LRP1B: variants seen among roughly 807,000 people sequenced by gnomAD.
LRP1B encodes the protein low-density lipoprotein receptor-related protein 1B.
In LRP1B, 217 loss-of-function variants were observed where a neutral mutation model predicts 556.6. The ratio of observed to expected loss-of-function variants is 0.39; its 90% CI spans 0.35 to 0.44. LRP1B has a LOEUF of 0.44. Among genes scored for constraint, LRP1B ranks in the 20% least tolerant of loss-of-function variants. The probability of loss-of-function intolerance (pLI) is 1.00; values close to 1 mark genes in which losing one functional copy is unlikely to be tolerated. For synonymous variants in LRP1B, 2,047 were observed against 1,865.8 expected (o/e 1.10, Z -2.50); for missense variants, 5,053 against 5,620.8 (o/e 0.90, Z 3.23).
In LRP1B at chr2:140,769,270, C is replaced by T. The variant is rs2104934635; in HGVS notation, c.5701G>A (p.Asp1901Asn). The T allele has an allele frequency of 6.2e-7, 1 of 1,612,236 alleles. No homozygotes were observed. The highest frequency in any genetic ancestry group is 8.5e-7 in the Non-Finnish European group (1 of 1,178,732). The change falls in exon 35 of 91, where the codon GAT (aspartate) becomes AAT (asparagine). Residue 1901 changes from aspartate (D) to asparagine (N), a missense_variant. Physicochemically the swap from Asp to Asn is conservative, Grantham distance 23. Transcript: ENST00000389484. Reference sequence around the variant, plus strand: ...GTTCCTGATATAGGCATCAAAGCATCCATTTTGTCACTTGGTTCAAGAGGT... The same window carrying T: ...GTTCCTGATATAGGCATCAAAGCATTCATTTTGTCACTTGGTTCAAGAGGT... ...GIPLEPSDKM[D>N]ALMPISGTSF...
chr2:141,307,929 C>T (rs903307516), intron 3 of LRP1B, among the ~76,000 whole-genome samples: 1 of 151,978 alleles, frequency 6.6e-6, no homozygotes, highest in African/African-American at 2.4e-5. Flanking sequence ...TCTCTGGCTC[C>T]CAAGTGCTTT....
At chr2:140,946,584 G>T (rs973521601) in intron 20 of LRP1B, among the ~76,000 whole-genome samples, 1 of 152,096 alleles carries the variant, frequency 6.6e-6, no homozygotes, top group Admixed American at 6.6e-5. Flanking sequence ...TTGGGCAACA[G>T]AGTGATACTC....
intron 75 of LRP1B, among the ~76,000 whole-genome samples, chr2:140,354,272 A>G (rs867689912): frequency 9.9e-5 from 15 of 152,092 alleles, no homozygotes; most frequent in Non-Finnish European, 1.9e-4. Context: ...CGTAGCACAC[A>G]AACAATGTTC....
intron 7 of LRP1B, among the ~76,000 whole-genome samples, chr2:141,068,995 A>T (rs1699560316): frequency 6.6e-6 from 1 of 152,064 alleles, no homozygotes; most frequent in South Asian, 2.1e-4. Flanking sequence ...TCTTTTCAGT[A>T]GTCTCTAGAG....
chr2:142,009,704 T>C (rs909302471), intron 1 of LRP1B, among the ~76,000 whole-genome samples: 1 of 152,224 alleles, frequency 6.6e-6, no homozygotes, highest in Non-Finnish European at 1.5e-5. Context: ...ATGCTGCATA[T>C]ATGTCTAAGT....
At position 141,200,942 on chromosome 2, in the gene LRP1B, C is replaced by A. The variant is rs924268587; in HGVS notation, c.851-12359G>T. On this transcript the variant is annotated intron_variant, in intron 6 of 90. Transcript: ENST00000389484. ...AAATCCATGTTCTCACCTCTTCAGT[C>A]AGTTTAAGCAGCATCTGAAGTCATA... Among the ~76,000 whole-genome samples, 5 of 152,154 alleles carry A rather than the reference C, an allele frequency of 3.3e-5. 1 individual carries two copies. The highest frequency in any genetic ancestry group is 7.4e-5 in the Non-Finnish European group (5 of 68,024).
At chr2:142,029,808 G>A (rs1703624428) in intron 1 of LRP1B, among the ~76,000 whole-genome samples, 2 of 151,706 alleles carry the variant, frequency 1.3e-5, no homozygotes, top group South Asian at 4.2e-4. Context: ...ATTCTTCATG[G>A]TTTCTGGAGA....
At chr2:142,088,792 A>G (rs1486598329) in intron 1 of LRP1B, among the ~76,000 whole-genome samples, 1 of 151,724 alleles carries the variant, frequency 6.6e-6, no homozygotes, top group African/African-American at 2.4e-5. Context: ...TGGCTAACAC[A>G]GTGAAACCCC....
intron 17 of LRP1B, among the ~76,000 whole-genome samples, chr2:140,983,348 G>A (rs1696828052): frequency 6.6e-6 from 1 of 152,128 alleles, no homozygotes. Context: ...TGAATAATTG[G>A]GGTCGAAGTA....
chr2:140,744,226 G>T (rs1409161859), intron 35 of LRP1B, among the ~76,000 whole-genome samples: 5 of 151,724 alleles, frequency 3.3e-5, no homozygotes, highest in African/African-American at 1.2e-4. Flanking sequence ...GCATTGCATT[G>T]ATATACATAT....
chr2:140,682,695 TGTGC>T lies in LRP1B; in HGVS notation c.6799+17551_6799+17554del, dbSNP rs1485150620. The stretch of plus-strand genomic sequence containing the variant: ...TATTGCGTGTGTGTGTGTGTGTGTG[TGTGC>T]GTGCACCTTGTAGGTGAAAGAAAGA... On this transcript the variant is annotated intron_variant, in intron 41 of 90. Transcript: ENST00000389484. 3.1e-3 allele frequency among the ~76,000 whole-genome samples: 476 copies of T among 151,606 alleles called. 6 individuals carry two copies. Among genetic ancestry groups the T allele is most frequent in the African/African-American group, 0.01 (416 of 41,366 alleles).
At chr2:142,125,253 G>T (rs13408738) in intron 1 of LRP1B, among the ~76,000 whole-genome samples, 28,747 of 151,598 alleles carry the variant, frequency 0.19, 2,921 homozygotes, top group African/African-American at 0.25. Context: ...ATATACATTT[G>T]GAAGATGTAA....
At chr2:141,517,259 T>TACACACACACACACACATACACAC (rs71281835) in intron 2 of LRP1B, among the ~76,000 whole-genome samples, 25 of 141,382 alleles carry the variant, frequency 1.8e-4, no homozygotes, top group African/African-American at 6.5e-4. Context: ...AGGACAAGAA[T>TACACACACACACACACATACACAC]ACGCACACAC....
chr2:140,718,879 C>T (rs572964508), intron 35 of LRP1B, among the ~76,000 whole-genome samples: 136 of 151,794 alleles, frequency 9.0e-4, no homozygotes, highest in Non-Finnish European at 1.2e-3. Context: ...TTGTCTTGAA[C>T]GTTTTTCCCC....
intron 41 of LRP1B, among the ~76,000 whole-genome samples, chr2:140,656,863 G>C (rs1436750837): frequency 6.6e-6 from 1 of 152,122 alleles, no homozygotes; most frequent in East Asian, 1.9e-4. Flanking sequence ...GTAAATTTGA[G>C]AGAAATGGCA....
chr2:141,953,066 T>C (rs1274051708), intron 1 of LRP1B, among the ~76,000 whole-genome samples: 1 of 152,122 alleles, frequency 6.6e-6, no homozygotes, highest in Non-Finnish European at 1.5e-5. Context: ...CAGAGACTTT[T>C]GGTGGGTATT....
intron 2 of LRP1B, among the ~76,000 whole-genome samples, chr2:141,494,335 C>T (rs1470788120): frequency 6.6e-6 from 1 of 152,024 alleles, no homozygotes; most frequent in Non-Finnish European, 1.5e-5. Context: ...ACACAAAACC[C>T]TAATAGGAAG....
At chr2:141,995,003 A>C (rs889327644) in intron 1 of LRP1B, among the ~76,000 whole-genome samples, 2 of 152,186 alleles carry the variant, frequency 1.3e-5, no homozygotes, top group African/African-American at 2.4e-5. Flanking sequence ...CATTTGTAAC[A>C]AAGTGAGGAC....
chr2:141,477,087 C>A (rs1253400858), intron 3 of LRP1B, among the ~76,000 whole-genome samples: 1 of 151,806 alleles, frequency 6.6e-6, no homozygotes, highest in Non-Finnish European at 1.5e-5. Flanking sequence ...AGCGCCATTG[C>A]ACTCCAGCCT....
Sources: allele counts gnomAD v4.1 joint callset (sites outside exome capture counted in the v4.1 genomes callset), GRCh38; gene constraint gnomAD v4.1.1; transcripts MANE v1.5; gene names NCBI Gene and HGNC (gene_info 2026-07-23, HGNC 2026-07-21).